Variants in PARD3 observed in about 807,000 individuals in gnomAD.
The protein encoded by PARD3 is partitioning defective 3 homolog.
Under a neutral mutation model 155.4 loss-of-function variants are expected in PARD3, and 75 were observed. The observed-to-expected ratio is 0.48, with a 90% CI of 0.40 to 0.58. The LOEUF (loss-of-function observed/expected upper bound fraction) is 0.58, where lower values mean the gene tolerates loss of function less well. PARD3 is among the 20% of genes least tolerant of loss of function. PARD3 has a pLI of 0.00. For missense variants in PARD3, 1,642 were observed against 1,721.7 expected (o/e 0.95, Z 0.82); for synonymous variants, 576 against 610.5 (o/e 0.94, Z 0.83).
At chr10:34,536,106 G>T (rs1248929436) in intron 2 of PARD3, among the ~76,000 whole-genome samples, 5 of 151,996 alleles carry the variant, frequency 3.3e-5, no homozygotes, top group Non-Finnish European at 7.4e-5. Flanking sequence ...CAAAACTCTC[G>T]TTGAAAGACT....
At chr10:34,122,944 C>T (rs949327010) in intron 23 of PARD3, among the ~76,000 whole-genome samples, 2 of 152,176 alleles carry the variant, frequency 1.3e-5, no homozygotes, top group African/African-American at 4.8e-5. Context: ...TGTAACCTCA[C>T]AGAGAAGTGT....
chr10:34,585,870 C>T (rs893891140), intron 2 of PARD3, among the ~76,000 whole-genome samples: 7 of 152,148 alleles, frequency 4.6e-5, no homozygotes, highest in African/African-American at 1.4e-4. Context: ...CCACTAACAA[C>T]ACTGCCTCCT....
At position 34,450,398 on chromosome 10, in the gene PARD3, G is replaced by T; in HGVS notation, c.633C>A (p.Asn211Lys). 2 of 1,613,856 alleles carry T rather than the reference G, an allele frequency of 1.2e-6. No individual in the cohort carries two copies. The highest frequency in any genetic ancestry group is 4.5e-5 in the East Asian group (2 of 44,870). The change falls in exon 5 of 25, where the codon AAC (asparagine) becomes AAA (lysine). Residue 211 changes from asparagine (N) to lysine (K), a missense_variant. Asn to Lys is a moderately conservative substitution (Grantham distance 94). Coordinates refer to ENST00000374788, the MANE Select transcript of PARD3 (RefSeq NM_001184785.2). ...AGCGAGCATTGTCTCTCTGAAATTG[G>T]TTAGACCAGTTACTAGTATCCCGCG... ...SLPRDTSNWS[N>K]QFQRDNARSS... is the part of the protein sequence containing the mutation.
At chr10:34,386,992 C>T (rs1842415575) in intron 7 of PARD3, among the ~76,000 whole-genome samples, 1 of 152,148 alleles carries the variant, frequency 6.6e-6, no homozygotes, top group African/African-American at 2.4e-5. Context: ...CAGTCACCCA[C>T]AGGTAATCAT....
At chr10:34,665,855 C>CCGG (rs1564479657) in intron 2 of PARD3, among the ~76,000 whole-genome samples, 5 of 132,984 alleles carry the variant, frequency 3.8e-5, no homozygotes, top group African/African-American at 1.6e-4. Flanking sequence ...CAGAACAGAA[C>CCGG]AGAACAGAAC....
intron 2 of PARD3, among the ~76,000 whole-genome samples, chr10:34,532,597 G>C (rs2082934164): frequency 6.6e-6 from 1 of 152,206 alleles, no homozygotes; most frequent in African/African-American, 2.4e-5. Context: ...AACATGCACA[G>C]AGTTGTTTCG....
intron 2 of PARD3, among the ~76,000 whole-genome samples, chr10:34,548,562 GA>G (rs10710389): frequency 0.46 from 69,455 of 150,936 alleles, 16,247 homozygotes; most frequent in African/African-American, 0.57. Flanking sequence ...TAAGATAACA[GA>G]AAAAAAAATA....
intron 2 of PARD3, among the ~76,000 whole-genome samples, chr10:34,525,782 T>C (rs2082433634): frequency 6.6e-6 from 1 of 152,004 alleles, no homozygotes; most frequent in South Asian, 2.1e-4. Context: ...GGCCAAAATA[T>C]TTTTATTAAT....
At chr10:34,308,653 G>A (rs954845532) in intron 20 of PARD3, among the ~76,000 whole-genome samples, 2 of 152,002 alleles carry the variant, frequency 1.3e-5, no homozygotes, top group Non-Finnish European at 2.9e-5. Flanking sequence ...GTGTCTGGTT[G>A]ATCTCCAAGT....
At chr10:34,444,552 T>C (rs1014005751) in intron 5 of PARD3, among the ~76,000 whole-genome samples, 11 of 152,170 alleles carry the variant, frequency 7.2e-5, no homozygotes, top group African/African-American at 2.7e-4. Flanking sequence ...GAAGCATAAC[T>C]TGTGAGATGA....
chr10:34,729,457 G>A (rs887097730), intron 1 of PARD3, among the ~76,000 whole-genome samples: 4 of 151,192 alleles, frequency 2.6e-5, no homozygotes, highest in African/African-American at 9.7e-5. Context: ...CTTGAACCCA[G>A]CAGGCGGAGG....
chr10:34,551,236 A>G (rs1167770240), intron 2 of PARD3, among the ~76,000 whole-genome samples: 1 of 152,180 alleles, frequency 6.6e-6, no homozygotes, highest in African/African-American at 2.4e-5. Flanking sequence ...ATCCCGAAGC[A>G]GTGCCCTGTT....
chr10:34,394,986 C>G (rs1346498861), intron 7 of PARD3, among the ~76,000 whole-genome samples: 1 of 151,348 alleles, frequency 6.6e-6, no homozygotes, highest in Admixed American at 6.6e-5. Context: ...AATTATTTGG[C>G]ATAACCTTCC....
At chr10:34,493,517 A>G (rs1437848313) in intron 3 of PARD3, among the ~76,000 whole-genome samples, 1 of 152,164 alleles carries the variant, frequency 6.6e-6, no homozygotes, top group African/African-American at 2.4e-5. Flanking sequence ...GGATCACCTG[A>G]GGTCAGGAGT....
At chr10:34,354,974 C>T (rs977716164) in intron 14 of PARD3, among the ~76,000 whole-genome samples, 5 of 152,114 alleles carry the variant, frequency 3.3e-5, no homozygotes, top group Non-Finnish European at 5.9e-5. Flanking sequence ...TGCAGCAGTG[C>T]GCCTGGTGAG....
intron 4 of PARD3, among the ~76,000 whole-genome samples, chr10:34,455,363 T>A (rs570564223): frequency 6.6e-6 from 1 of 152,256 alleles, no homozygotes; most frequent in Non-Finnish European, 1.5e-5. Context: ...AGCTCTGCAA[T>A]TATGGTAAAA....
At chr10:34,800,301 T>C (rs1182988543) in intron 1 of PARD3, among the ~76,000 whole-genome samples, 1 of 152,072 alleles carries the variant, frequency 6.6e-6, no homozygotes, top group Non-Finnish European at 1.5e-5. Flanking sequence ...GTGCTTACCA[T>C]TACTCTTGAT....
At chr10:34,328,323 G>A (rs1186123572) in intron 19 of PARD3, among the ~76,000 whole-genome samples, 2 of 152,116 alleles carry the variant, frequency 1.3e-5, no homozygotes, top group Non-Finnish European at 1.5e-5. Flanking sequence ...TAGATGGGGT[G>A]TTTTCCACAT....
intron 22 of PARD3, among the ~76,000 whole-genome samples, chr10:34,165,483 G>A (rs901960416): frequency 2.0e-5 from 3 of 152,142 alleles, no homozygotes; most frequent in Non-Finnish European, 2.9e-5. Flanking sequence ...ATTTTGCAAG[G>A]TGCCACTGGG....
Sources: allele counts gnomAD v4.1 joint callset (sites outside exome capture counted in the v4.1 genomes callset), GRCh38; gene constraint gnomAD v4.1.1; transcripts MANE v1.5; gene names NCBI Gene and HGNC (gene_info 2026-07-23, HGNC 2026-07-21).